Variants in DAAM1 observed in about 807,000 individuals in gnomAD.
DAAM1 encodes the protein dishevelled associated activator of morphogenesis 1, also known as disheveled-associated activator of morphogenesis 1.
In DAAM1, 52 loss-of-function variants were observed where a neutral mutation model predicts 130.0. That is an observed-to-expected ratio of 0.40 (90% CI 0.32 to 0.50). DAAM1 has a LOEUF of 0.50. DAAM1 is among the 20% of genes least tolerant of loss of function. The pLI, the probability that DAAM1 is intolerant of heterozygous loss-of-function variation, is 0.61. For missense variants in DAAM1, 1,134 were observed against 1,303.8 expected, an observed-to-expected ratio of 0.87 and a Z score of 2.01; for synonymous variants, 452 against 444.5, an observed-to-expected ratio of 1.02 and a Z score of -0.21.
Position 59,331,900 on chromosome 14 carries a change from T to C in DAAM1, c.1948T>C (p.Ser650Pro). 1 of 1,614,062 alleles carries C rather than the reference T, an allele frequency of 6.2e-7. No individual in the cohort carries two copies. The highest frequency in any genetic ancestry group is 8.5e-7 in the Non-Finnish European group (1 of 1,179,986). ...LDLEDLERTFSAYQRQQKEAD... is the reference protein window; with the variant it reads ...LDLEDLERTFPAYQRQQKEAD... Reference sequence around the variant, plus strand: ...TCTTGAAGACCTGGAAAGAACCTTCTCTGCCTATCAAAGACAGCAGGTAAC... The same window carrying C: ...TCTTGAAGACCTGGAAAGAACCTTCCCTGCCTATCAAAGACAGCAGGTAAC... Residue 650 changes from serine (S) to proline (P), a missense_variant, in exon 15 of 25, where the codon TCT becomes CCT. Transcript: ENST00000360909.
chr14:59,233,119 A>G (rs1241663986), intron 1 of DAAM1, among the ~76,000 whole-genome samples: 1 of 152,194 alleles, frequency 6.6e-6, no homozygotes, highest in African/African-American at 2.4e-5. Flanking sequence ...GTGTCTTTAT[A>G]GTAGAATGAT....
chr14:59,355,966 T>G (rs1459639276), intron 20 of DAAM1, among the ~76,000 whole-genome samples: 1 of 152,244 alleles, frequency 6.6e-6, no homozygotes, highest in Non-Finnish European at 1.5e-5. Context: ...CAGGTCTCAT[T>G]AAAATGCTTC....
intron 2 of DAAM1, among the ~76,000 whole-genome samples, chr14:59,267,553 G>A (rs1383848077): frequency 6.6e-6 from 1 of 151,758 alleles, no homozygotes; most frequent in Non-Finnish European, 1.5e-5. Flanking sequence ...ATTCACCTAT[G>A]TAAAGTGTGC....
Position 59,340,168 on chromosome 14 carries a change from T to C in DAAM1, c.2063T>C (p.Ile688Thr). ...IDGRRAQNCN[I>T]LLSRLKLSND... ...GGTCGGAGAGCTCAGAATTGCAACA[T>C]CCTTCTATCGAGGTATTGTTGATGT... is the stretch of plus-strand genomic sequence containing the variant. Residue 688 changes from isoleucine (I) to threonine (T), a missense_variant, in exon 16 of 25, where the codon ATC becomes ACC. By Grantham distance (89) the Ile-to-Thr change is moderately conservative. Around this residue, in one of 3 missense-constraint regions of DAAM1, gnomAD observed 644 missense variants for 695.9 expected, o/e 0.93. Coordinates refer to ENST00000360909, the MANE Select transcript of DAAM1 (RefSeq NM_001270520.2). 6.2e-7 allele frequency: 1 copy of C among 1,613,208 alleles called. No homozygotes were observed.
chr14:59,208,770 G>A (rs965469048), intron 1 of DAAM1, among the ~76,000 whole-genome samples: 6 of 152,120 alleles, frequency 3.9e-5, no homozygotes, highest in African/African-American at 1.4e-4. Flanking sequence ...GGTCATGAGG[G>A]TAGATCCCTC....
chr14:59,190,916 T>C (rs968425353), intron 1 of DAAM1, among the ~76,000 whole-genome samples: 2 of 152,236 alleles, frequency 1.3e-5, no homozygotes, highest in African/African-American at 4.8e-5. Flanking sequence ...TATAATACTG[T>C]TTATACTACC....
chr14:59,202,535 T>C (rs546876384), intron 1 of DAAM1, among the ~76,000 whole-genome samples: 38 of 152,322 alleles, frequency 2.5e-4, no homozygotes, highest in African/African-American at 8.2e-4. Flanking sequence ...AAAAATGTTT[T>C]TAGTGTTGAG....
At position 59,272,591 on chromosome 14, in the gene DAAM1, AAC is replaced by A. The variant is rs554505041; in HGVS notation, c.183+8933_183+8934del. On this transcript the variant is annotated intron_variant, in intron 2 of 24. Transcript: ENST00000360909. ...GACTGTCTCAAAAAACAAACAAACA[AAC>A]AAAATATATATATATACACACACAC... is the stretch of plus-strand genomic sequence containing the variant. Among the ~76,000 whole-genome samples the A allele has an allele frequency of 1.0e-3, 128 of 123,872 alleles. 1 individual carries two copies. Among genetic ancestry groups the A allele is most frequent in the Admixed American group, 1.7e-3 (20 of 12,062 alleles). 81.3% of individuals were successfully genotyped at this position (123,872 alleles called of 152,430 possible). A position where few individuals can be genotyped will look rare whatever the true frequency, so the allele number is the denominator to read the frequency against.
chr14:59,267,342 TAGG>T (rs1469380909), intron 2 of DAAM1, among the ~76,000 whole-genome samples: 1 of 152,124 alleles, frequency 6.6e-6, no homozygotes, highest in Non-Finnish European at 1.5e-5. Context: ...CAAGCCTCAA[TAGG>T]AGGTCAGCCA....
chr14:59,278,977 T>A (rs1171591180), intron 2 of DAAM1, among the ~76,000 whole-genome samples: 1 of 152,218 alleles, frequency 6.6e-6, no homozygotes. Context: ...TATACAAAGC[T>A]GTATTTTTTC....
intron 15 of DAAM1, among the ~76,000 whole-genome samples, chr14:59,335,031 C>A (rs1465678608): frequency 6.6e-6 from 1 of 152,122 alleles, no homozygotes; most frequent in Admixed American, 6.5e-5. Context: ...CCTTAATGCT[C>A]ACCCCCAACT....
chr14:59,251,435 G>T (rs78686715), intron 1 of DAAM1, among the ~76,000 whole-genome samples: 5 of 137,944 alleles, frequency 3.6e-5, no homozygotes, highest in Admixed American at 7.2e-5. Flanking sequence ...ACTCCGCCGT[G>T]TTTTTTTTTT....
chr14:59,347,650 A>C, intron 17 of DAAM1, 27 bp downstream of exon 17: 1 of 1,606,072 alleles, frequency 6.2e-7, no homozygotes, highest in Non-Finnish European at 8.5e-7. Flanking sequence ...ATCTGAGAGC[A>C]GAAGTGAAAA....
intron 2 of DAAM1, among the ~76,000 whole-genome samples, chr14:59,283,060 A>G (rs1393230309): frequency 3.3e-5 from 5 of 152,166 alleles, no homozygotes; most frequent in Admixed American, 1.3e-4. Flanking sequence ...ACAGCAAAAC[A>G]TATTAAAACC....
chr14:59,322,813 C>T, intron 5 of DAAM1, 79 bp from the exon 6 acceptor site: 1 of 1,174,688 alleles, frequency 8.5e-7, no homozygotes, highest in Non-Finnish European at 1.2e-6. Flanking sequence ...TTTCTTTCCC[C>T]TGCCCTCTAG....
chr14:59,212,870 A>G (rs1346388192), intron 1 of DAAM1, among the ~76,000 whole-genome samples: 1 of 152,250 alleles, frequency 6.6e-6, no homozygotes, highest in Non-Finnish European at 1.5e-5. Context: ...AAAAAGAATC[A>G]GATTCTCACA....
rs1885218038 is a variant in DAAM1 at position 59,326,728 on chromosome 14, G to T, written c.1313+80G>T. On this transcript the variant is annotated intron_variant, in intron 11 of 24. Transcript: ENST00000360909. ...TATTTTATCCTACTTCAGAGTAACA[G>T]CTGGGAGAGCTGAAATGTTCTAGGG... 7 of 1,569,394 alleles carry T rather than the reference G, an allele frequency of 4.5e-6. No homozygotes were observed. The Admixed American group carries it at 1.3e-4, about 28-fold the overall frequency.
chr14:59,334,466 AC>A (rs1885550611), intron 15 of DAAM1, among the ~76,000 whole-genome samples: 1 of 152,006 alleles, frequency 6.6e-6, no homozygotes, highest in East Asian at 1.9e-4. Flanking sequence ...GAGTCATGAC[AC>A]CCTGTTCAAA....
At chr14:59,338,575 G>T (rs911144285) in intron 15 of DAAM1, among the ~76,000 whole-genome samples, 7 of 152,110 alleles carry the variant, frequency 4.6e-5, no homozygotes, top group African/African-American at 1.7e-4. Context: ...TCTTAAATGA[G>T]TATCTAGAGG....
Sources: gnomAD v4.1 joint callset for allele counts (sites outside exome capture counted in the v4.1 genomes callset) on GRCh38, gnomAD v4.1.1 for gene constraint, gnomAD v4.1.1 regional missense constraint, MANE v1.5 for transcripts, NCBI Gene and HGNC (gene_info 2026-07-23, HGNC 2026-07-21) for gene names.